The following PLCL2 variants were observed in gnomAD, a reference collection of about 807,000 sequenced individuals.
PLCL2 encodes inactive phospholipase C-like protein 2.
Under a neutral mutation model 79.6 loss-of-function variants are expected in PLCL2, and 4 were observed. The ratio of observed to expected loss-of-function variants is 0.05; its 90% CI spans 0.02 to 0.11. The LOEUF (loss-of-function observed/expected upper bound fraction) is 0.11, where lower values mean the gene tolerates loss of function less well. Among genes scored for constraint, PLCL2 ranks in the 10% least tolerant of loss-of-function variants. The pLI is 1.00. For synonymous variants in PLCL2, 484 were observed against 457.7 expected (o/e 1.06, Z -0.73); for missense variants, 895 against 1,291.0 (o/e 0.69, Z 4.70).
At chr3:16,935,803 AAAAAG>A (rs1265412394) in intron 1 of PLCL2, among the ~76,000 whole-genome samples, 1 of 152,224 alleles carries the variant, frequency 6.6e-6, no homozygotes, top group African/African-American at 2.4e-5. Flanking sequence ...TAAAAAATAA[AAAAAG>A]AAAGAATGGC....
At chr3:17,075,638 C>T (rs534398092) in intron 5 of PLCL2, among the ~76,000 whole-genome samples, 2 of 151,712 alleles carry the variant, frequency 1.3e-5, no homozygotes, top group South Asian at 4.2e-4. Context: ...GATGGTAGGG[C>T]ATTGTTGTCA....
At chr3:16,995,531 C>T (rs1247897091) in intron 1 of PLCL2, among the ~76,000 whole-genome samples, 1 of 152,332 alleles carries the variant, frequency 6.6e-6, no homozygotes, top group South Asian at 2.1e-4. Flanking sequence ...TCCAACATTG[C>T]AGTCTCTTTA....
At chr3:17,052,922 T>A (rs2064857119) in intron 4 of PLCL2, among the ~76,000 whole-genome samples, 1 of 152,242 alleles carries the variant, frequency 6.6e-6, no homozygotes, top group Non-Finnish European at 1.5e-5. Flanking sequence ...ATGTTACCAG[T>A]AAAGCATCCA....
At chr3:16,997,280 A>G (rs1180296733) in intron 1 of PLCL2, among the ~76,000 whole-genome samples, 1 of 152,202 alleles carries the variant, frequency 6.6e-6, no homozygotes, top group Non-Finnish European at 1.5e-5. Flanking sequence ...AGACTGACCC[A>G]CATAAAACAA....
chr3:16,971,303 C>G (rs1303983275), intron 1 of PLCL2, among the ~76,000 whole-genome samples: 2 of 152,096 alleles, frequency 1.3e-5, no homozygotes, highest in Admixed American at 6.5e-5. Flanking sequence ...TTCCCCGCAC[C>G]ATTTATTAAA....
At chr3:16,983,872 C>G (rs902398599) in intron 1 of PLCL2, among the ~76,000 whole-genome samples, 1 of 152,106 alleles carries the variant, frequency 6.6e-6, no homozygotes, top group Non-Finnish European at 1.5e-5. Context: ...GTGGAATATG[C>G]CTAATGCTTT....
intron 1 of PLCL2, among the ~76,000 whole-genome samples, chr3:16,982,303 G>C (rs556609447): frequency 6.6e-6 from 1 of 152,228 alleles, no homozygotes; most frequent in Non-Finnish European, 1.5e-5. Context: ...TTTAAAGCAG[G>C]TTTTTAGGAA....
chr3:16,899,349 T>C (rs1437890060), intron 1 of PLCL2, among the ~76,000 whole-genome samples: 2 of 152,236 alleles, frequency 1.3e-5, no homozygotes, highest in African/African-American at 4.8e-5. Flanking sequence ...TTCTGCTGTA[T>C]CTAAACAGAG....
intron 1 of PLCL2, among the ~76,000 whole-genome samples, chr3:16,889,449 T>A (rs1696298099): frequency 6.6e-6 from 1 of 152,224 alleles, no homozygotes; most frequent in African/African-American, 2.4e-5. Flanking sequence ...AGTTGGCAGA[T>A]AACATAGCCA....
At chr3:16,956,343 A>G (rs201841890) in intron 1 of PLCL2, among the ~76,000 whole-genome samples, 144,780 of 151,644 alleles carry the variant, frequency 0.95, 69,131 homozygotes, top group East Asian at 1. Context: ...ATTGATTTGC[A>G]TATGTTGAAC....
At chr3:17,016,937 G>A (rs1205611408) in intron 3 of PLCL2, among the ~76,000 whole-genome samples, 1 of 152,166 alleles carries the variant, frequency 6.6e-6, no homozygotes, top group East Asian at 1.9e-4. Flanking sequence ...TCTTGAGGGT[G>A]GGGTGGTAGT....
intron 1 of PLCL2, among the ~76,000 whole-genome samples, chr3:17,008,198 G>A (rs750403133): frequency 1.9e-4 from 29 of 151,486 alleles, no homozygotes; most frequent in Non-Finnish European, 4.1e-4. Flanking sequence ...TGAGCATTGG[G>A]GCATAGTAAT....
chr3:17,032,016 A>G (rs960809692), intron 3 of PLCL2, among the ~76,000 whole-genome samples: 1 of 145,640 alleles, frequency 6.9e-6, no homozygotes, highest in Non-Finnish European at 1.5e-5. Context: ...AACTCCTTCC[A>G]TTTTTTGAAA....
At chr3:16,951,192 A>G (rs919161066) in intron 1 of PLCL2, among the ~76,000 whole-genome samples, 1 of 152,140 alleles carries the variant, frequency 6.6e-6, no homozygotes, top group African/African-American at 2.4e-5. Context: ...TAATTCACCT[A>G]AAATGACCTG....
intron 1 of PLCL2, among the ~76,000 whole-genome samples, chr3:16,896,350 G>A (rs1298091956): frequency 6.6e-6 from 1 of 152,150 alleles, no homozygotes; most frequent in African/African-American, 2.4e-5. Flanking sequence ...CCTGAGGACT[G>A]GATCTTCCTT....
chr3:16,988,975 T>A (rs948217443), intron 1 of PLCL2, among the ~76,000 whole-genome samples: 1 of 151,994 alleles, frequency 6.6e-6, no homozygotes, highest in African/African-American at 2.4e-5. Context: ...GGTCAATTAT[T>A]ATAGAGATCT....
In PLCL2 at chr3:17,011,569, C is replaced by T. The variant is rs776518567; in HGVS notation, c.2223C>T (p.Ser741=). ...TGAGGGAGGAGGTCTCCTTCTTCAG[C>T]GCCAATACAAAAGACTCTGTCCCAG... The part of the protein sequence containing the change: ...AIMREEVSFF[S]ANTKDSVPGV... The change falls in exon 2 of 6, where the codon AGC becomes AGT. Residue 741 remains serine (S), a synonymous_variant. Coordinates refer to ENST00000615277, the MANE Select transcript of PLCL2 (RefSeq NM_001144382.2). The surrounding 1 kb of genome is among the most constrained non-coding windows in gnomAD (Gnocchi z 7.9). 5 of 1,614,088 alleles carry T rather than the reference C, an allele frequency of 3.1e-6. No individual in the cohort carries two copies. Among genetic ancestry groups the T allele is most frequent in the Non-Finnish European group, 4.2e-6 (5 of 1,179,996 alleles).
intron 4 of PLCL2, among the ~76,000 whole-genome samples, chr3:17,047,381 A>AACGTCGTTCCTCTTCTG: frequency 6.6e-6 from 1 of 151,988 alleles, no homozygotes; most frequent in East Asian, 1.9e-4. Flanking sequence ...GGAGGATGAG[A>AACGTCGTTCCTCTTCTG]GCAGGAGAAT....
chr3:17,067,873 G>A, intron 4 of PLCL2, 83 bp from the exon 5 acceptor site: 1 of 714,092 alleles, frequency 1.4e-6, no homozygotes, highest in Non-Finnish European at 2.3e-6. Context: ...CATTTTAGCT[G>A]TACCTAGAAA....
Sources: allele counts gnomAD v4.1 joint callset (sites outside exome capture counted in the v4.1 genomes callset), GRCh38; gene constraint gnomAD v4.1.1; non-coding constraint Gnocchi (gnomAD v3.1); transcripts MANE v1.5; gene names NCBI Gene and HGNC (gene_info 2026-07-23, HGNC 2026-07-21).